Variants in PBX1 observed in about 807,000 individuals in gnomAD.
PBX1 encodes PBX homeobox 1, also known as pre-B-cell leukemia transcription factor 1.
Under a neutral mutation model 53.4 loss-of-function variants are expected in PBX1, and 6 were observed. That is an observed-to-expected ratio of 0.11 (90% CI 0.06 to 0.22). PBX1 has a LOEUF of 0.22. Ranked by LOEUF, PBX1 falls within the 10% of genes least tolerant of loss-of-function variation. The pLI, the probability that PBX1 is intolerant of heterozygous loss-of-function variation, is 1.00. For synonymous variants in PBX1, 204 were observed against 212.3 expected (o/e 0.96, Z 0.34); for missense variants, 251 against 551.4 (o/e 0.46, Z 5.46).
At chr1:164,600,380 T>G in intron 2 of PBX1, among the ~76,000 whole-genome samples, 1 of 151,268 alleles carries the variant, frequency 6.6e-6, no homozygotes, top group Non-Finnish European at 1.5e-5. Flanking sequence ...GCCTCCCGAG[T>G]AGCTGGGATT....
intron 2 of PBX1, among the ~76,000 whole-genome samples, chr1:164,636,312 C>G (rs905978043): frequency 2.0e-5 from 3 of 152,106 alleles, no homozygotes; most frequent in African/African-American, 7.2e-5. Flanking sequence ...CTGAACAAGG[C>G]TATTTTCATT....
intron 2 of PBX1, among the ~76,000 whole-genome samples, chr1:164,738,387 G>A (rs1298210225): frequency 6.6e-6 from 1 of 152,154 alleles, no homozygotes; most frequent in African/African-American, 2.4e-5. Context: ...CTGGGCTCAA[G>A]CTATACTGCT....
intron 2 of PBX1, 106 bp downstream of exon 2, chr1:164,563,417 A>C: frequency 6.1e-6 from 4 of 651,376 alleles, no homozygotes; most frequent in Non-Finnish European, 1.0e-5. Flanking sequence ...GAATACAAGT[A>C]CTATGAAGGT....
At chr1:164,667,639 A>C (rs1222962731) in intron 2 of PBX1, among the ~76,000 whole-genome samples, 2 of 152,172 alleles carry the variant, frequency 1.3e-5, no homozygotes, top group Non-Finnish European at 2.9e-5. Flanking sequence ...TCAAAGATTT[A>C]ATATTCTTGG....
chr1:164,599,856 G>A (rs186592731), intron 2 of PBX1, among the ~76,000 whole-genome samples: 7 of 152,088 alleles, frequency 4.6e-5, no homozygotes, highest in East Asian at 1.9e-4. Context: ...CCCTCTCCCC[G>A]CTTTTTTTTT....
intron 2 of PBX1, among the ~76,000 whole-genome samples, chr1:164,725,959 C>A (rs1421624744): frequency 6.6e-6 from 1 of 152,176 alleles, no homozygotes; most frequent in African/African-American, 2.4e-5. Context: ...TGAAATTTAA[C>A]CACCTTAGAG....
intron 2 of PBX1, chr1:164,769,418 G>C (rs1667249236): frequency 6.6e-6 from 1 of 152,164 alleles, no homozygotes; most frequent in Admixed American, 6.6e-5. Flanking sequence ...ACATAAAGTG[G>C]GGAAAGCACC....
intron 2 of PBX1, chr1:164,703,339 G>A: frequency 6.6e-6 from 1 of 152,354 alleles, no homozygotes; most frequent in Non-Finnish European, 1.5e-5. Flanking sequence ...CTTATCTTCT[G>A]TGCCTTTTTC....
At chr1:164,631,683 T>C (rs1420445849) in intron 2 of PBX1, among the ~76,000 whole-genome samples, 3 of 152,232 alleles carry the variant, frequency 2.0e-5, no homozygotes, top group African/African-American at 7.2e-5. Context: ...CATATTATTT[T>C]AGTAGACAGA....
intron 8 of PBX1, among the ~76,000 whole-genome samples, chr1:164,828,022 C>T (rs534613294): frequency 6.6e-6 from 1 of 152,036 alleles, no homozygotes; most frequent in African/African-American, 2.4e-5. Flanking sequence ...ACTCTATAGC[C>T]TAGGAGGGAA....
intron 2 of PBX1, among the ~76,000 whole-genome samples, chr1:164,643,952 T>C (rs2101905883): frequency 6.6e-6 from 1 of 152,342 alleles, no homozygotes; most frequent in Non-Finnish European, 1.5e-5. Flanking sequence ...CACATATTTA[T>C]TGCTTGTATA....
chr1:164,870,356 T>TCTTTCTTTCTTCCTTC (rs1553255712), intron 2 of PBX1, among the ~76,000 whole-genome samples: 2 of 80,178 alleles, frequency 2.5e-5, no homozygotes, highest in African/African-American at 8.4e-5. Context: ...TTTCTTTCTT[T>TCTTTCTTTCTTCCTTC]CTTTCGAGAT....
At chr1:164,858,208 T>TA (rs1010401612) in intron 2 of PBX1, among the ~76,000 whole-genome samples, 12 of 148,602 alleles carry the variant, frequency 8.1e-5, no homozygotes, top group East Asian at 2.0e-4. Context: ...ATTACAAACT[T>TA]AAAAAAAAAA....
intron 2 of PBX1, among the ~76,000 whole-genome samples, chr1:164,638,710 C>G (rs1658937759): frequency 6.6e-6 from 1 of 152,214 alleles, no homozygotes; most frequent in South Asian, 2.1e-4. Context: ...CTGGTTTGCC[C>G]TTTCTCCCAG....
At chr1:164,701,344 G>T (rs994980767) in intron 2 of PBX1, among the ~76,000 whole-genome samples, 15 of 152,170 alleles carry the variant, frequency 9.9e-5, no homozygotes, top group Non-Finnish European at 2.1e-4. Flanking sequence ...TATGCCTGAG[G>T]CCTGGGCAAG....
chr1:164,673,333 C>T (rs889230036), intron 2 of PBX1, among the ~76,000 whole-genome samples: 1 of 152,106 alleles, frequency 6.6e-6, no homozygotes, highest in African/African-American at 2.4e-5. Flanking sequence ...GGGCTGGGAG[C>T]GCCCAGAACC....
intron 8 of PBX1, among the ~76,000 whole-genome samples, chr1:164,834,310 T>C (rs1442720788): frequency 6.6e-6 from 1 of 151,934 alleles, no homozygotes; most frequent in East Asian, 1.9e-4. Context: ...CTTGATCTTG[T>C]TGTTTAGCCT....
chr1:164,577,911 C>G (rs1182102207), intron 2 of PBX1, among the ~76,000 whole-genome samples: 1 of 152,174 alleles, frequency 6.6e-6, no homozygotes, highest in Non-Finnish European at 1.5e-5. Context: ...GTTGAGAGTT[C>G]TCTTGTTGCT....
intron 2 of PBX1, among the ~76,000 whole-genome samples, chr1:164,584,367 G>T (rs1654818376): frequency 6.6e-6 from 1 of 150,872 alleles, no homozygotes; most frequent in Non-Finnish European, 1.5e-5. Flanking sequence ...GAGAGAAAGA[G>T]AGAGAGAGAG....
Sources: allele counts gnomAD v4.1 joint callset (sites outside exome capture counted in the v4.1 genomes callset), GRCh38; gene constraint gnomAD v4.1.1; transcripts MANE v1.5; gene names NCBI Gene and HGNC (gene_info 2026-07-23, HGNC 2026-07-21).